FAT4: variants seen among roughly 807,000 people sequenced by gnomAD.
The protein encoded by FAT4 is protocadherin Fat 4.
FAT4 carries 84 observed loss-of-function variants against 303.9 expected under a neutral mutation model. The ratio of observed to expected loss-of-function variants is 0.28; its 90% confidence interval spans 0.23 to 0.33. FAT4 has a LOEUF of 0.33. Among genes scored for constraint, FAT4 ranks in the 10% least tolerant of loss-of-function variants. The pLI, the probability that FAT4 is intolerant of heterozygous loss-of-function variation, is 1.00. For missense variants in FAT4, 6,005 were observed against 6,146.8 expected (o/e 0.98, Z 0.77); for synonymous variants, 2,307 against 2,298.8 (o/e 1.00, Z -0.10).
intron 14 of FAT4, among the ~76,000 whole-genome samples, chr4:125,478,870 T>G (rs1727124828): frequency 6.6e-6 from 1 of 152,098 alleles, no homozygotes; most frequent in Admixed American, 6.5e-5. Context: ...TTTTCACTTC[T>G]TGGCTCAAAG....
At chr4:125,440,630 A>AGAGAGAGT in intron 8 of FAT4, among the ~76,000 whole-genome samples, 1 of 151,274 alleles carries the variant, frequency 6.6e-6, no homozygotes, top group Non-Finnish European at 1.5e-5. Flanking sequence ...AGAGAGAGAG[A>AGAGAGAGT]GAGAGAGAGA....
At chr4:125,398,338 T>C (rs7697927) in intron 2 of FAT4, among the ~76,000 whole-genome samples, 1 of 151,862 alleles carries the variant, frequency 6.6e-6, no homozygotes, top group Non-Finnish European at 1.5e-5. Flanking sequence ...TAAAACAACA[T>C]GTGAACTTTT....
chr4:125,385,304 T>A (rs1200143509), intron 2 of FAT4, among the ~76,000 whole-genome samples: 2 of 152,110 alleles, frequency 1.3e-5, no homozygotes, highest in Non-Finnish European at 2.9e-5. Flanking sequence ...ATTACAGGCA[T>A]GAGCCACTGC....
At chr4:125,392,817 T>A (rs1277092880) in intron 2 of FAT4, among the ~76,000 whole-genome samples, 1 of 152,202 alleles carries the variant, frequency 6.6e-6, no homozygotes, top group East Asian at 1.9e-4. Flanking sequence ...AAGATCATTC[T>A]CTCTGTGCAA....
At chr4:125,331,857 A>T (rs1178072700) in intron 2 of FAT4, among the ~76,000 whole-genome samples, 3 of 152,200 alleles carry the variant, frequency 2.0e-5, no homozygotes, top group Non-Finnish European at 4.4e-5. Context: ...TTTAACACGC[A>T]GCAAAGAAAA....
intron 2 of FAT4, among the ~76,000 whole-genome samples, chr4:125,386,259 C>G (rs1452839935): frequency 2.0e-5 from 3 of 152,014 alleles, no homozygotes; most frequent in African/African-American, 7.2e-5. Flanking sequence ...AAGAAGCAGG[C>G]TTTCTGAGTT....
chr4:125,364,732 G>A (rs1047449005), intron 2 of FAT4, among the ~76,000 whole-genome samples: 1 of 152,080 alleles, frequency 6.6e-6, no homozygotes, highest in African/African-American at 2.4e-5. Flanking sequence ...CTGGTGCATG[G>A]AGTGCTGAAA....
At chr4:125,402,165 T>G (rs1734411731) in intron 3 of FAT4, among the ~76,000 whole-genome samples, 1 of 151,994 alleles carries the variant, frequency 6.6e-6, no homozygotes, top group Non-Finnish European at 1.5e-5. Context: ...TTCAGAAAAA[T>G]TATTACAACT....
chr4:125,351,918 C>A lies in FAT4; in HGVS notation c.5175+30332C>A, dbSNP rs149496284. The stretch of plus-strand genomic sequence containing the variant: ...AGAACAAACTTGGTTTTGAGGAATA[C>A]CAAGTAGGCACAGGATTTAAGGCAG... On this transcript the variant is annotated intron_variant, in intron 2 of 17. Coordinates refer to ENST00000394329, the MANE Select transcript of FAT4 (RefSeq NM_001291303.3). Among the ~76,000 whole-genome samples, 70 of 151,720 alleles carry A rather than the reference C, an allele frequency of 4.6e-4. 1 individual carries two copies. The East Asian group carries it at 0.012, about 27-fold the overall frequency.
At chr4:125,455,017 G>A (rs10021774) in intron 10 of FAT4, among the ~76,000 whole-genome samples, 7 of 152,182 alleles carry the variant, frequency 4.6e-5, no homozygotes, top group Non-Finnish European at 7.3e-5. Flanking sequence ...TTATTTATAT[G>A]CTAAGATCAT....
At chr4:125,430,774 A>T (rs893789063) in intron 7 of FAT4, among the ~76,000 whole-genome samples, 6 of 152,160 alleles carry the variant, frequency 3.9e-5, no homozygotes, top group African/African-American at 1.4e-4. Flanking sequence ...AGACTCATAT[A>T]GATGTAGAAT....
rs777627667 is a variant in FAT4 at position 125,440,606 on chromosome 4, T to TGAGAGAGAGAGAGAGA, written c.7200-5686_7200-5685insAGAGAGAGAGAGAGAG. ...TTGTGTGTGTGTGTGTGTGTGTGTG[T>TGAGAGAGAGAGAGAGA]GTGTGAGAGAGAGAGAGAGAGAGAG... On this transcript the variant is annotated intron_variant, in intron 8 of 17. Coordinates refer to ENST00000394329, the MANE Select transcript of FAT4 (RefSeq NM_001291303.3). 9.0e-3 allele frequency among the ~76,000 whole-genome samples: 266 copies of TGAGAGAGAGAGAGAGA among 29,608 alleles called. 2 individuals are homozygous for TGAGAGAGAGAGAGAGA. The highest frequency in any genetic ancestry group is 0.087 in the South Asian group (83 of 956). 19.4% of individuals were successfully genotyped at this position (29,608 alleles called of 152,430 possible).
chr4:125,467,860 C>T (rs1394645115), intron 11 of FAT4, among the ~76,000 whole-genome samples: 2 of 152,264 alleles, frequency 1.3e-5, no homozygotes, highest in South Asian at 2.1e-4. Flanking sequence ...CATAATACAA[C>T]TTTTAAAAGA....
chr4:125,462,916 A>G (rs1225435853), intron 10 of FAT4, among the ~76,000 whole-genome samples: 1 of 152,034 alleles, frequency 6.6e-6, no homozygotes, highest in Non-Finnish European at 1.5e-5. Context: ...GATTCAATTT[A>G]ACAAGATCAT....
At chr4:125,440,626 A>T (rs1364031539) in intron 8 of FAT4, among the ~76,000 whole-genome samples, 78 of 151,002 alleles carry the variant, frequency 5.2e-4, no homozygotes, top group Non-Finnish European at 8.1e-4. Context: ...AGAGAGAGAG[A>T]GAGAGAGAGA....
chr4:125,329,090 A>G (rs1283127049), intron 2 of FAT4, among the ~76,000 whole-genome samples: 12 of 152,166 alleles, frequency 7.9e-5, no homozygotes. Flanking sequence ...TTAACCTATA[A>G]TCTGTTATTT....
At chr4:125,384,067 T>C (rs1046396354) in intron 2 of FAT4, among the ~76,000 whole-genome samples, 2 of 152,210 alleles carry the variant, frequency 1.3e-5, no homozygotes, top group African/African-American at 4.8e-5. Context: ...TGTGTATTCA[T>C]GCATCAGCTG....
chr4:125,347,928 A>G (rs1732067158), intron 2 of FAT4, among the ~76,000 whole-genome samples: 1 of 151,682 alleles, frequency 6.6e-6, no homozygotes, highest in African/African-American at 2.4e-5. Flanking sequence ...TAATAATCAT[A>G]TTGATGCTTA....
At chr4:125,439,058 G>A in intron 8 of FAT4, among the ~76,000 whole-genome samples, 1 of 151,994 alleles carries the variant, frequency 6.6e-6, no homozygotes, top group East Asian at 1.9e-4. Flanking sequence ...TTCTACAAAT[G>A]GTGTACTTAC....
Sources: allele counts gnomAD v4.1 joint callset (sites outside exome capture counted in the v4.1 genomes callset), GRCh38; gene constraint gnomAD v4.1.1; transcripts MANE v1.5; gene names NCBI Gene and HGNC (gene_info 2026-07-23, HGNC 2026-07-21).